Variants in HECW2 observed in about 807,000 individuals in gnomAD.
HECW2 encodes HECT, C2 and WW domain containing E3 ubiquitin protein ligase 2.
A neutral mutation model predicts 175.2 loss-of-function variants in HECW2; 61 were observed. That is an observed-to-expected ratio of 0.35 (90% CI 0.28 to 0.43). The LOEUF (loss-of-function observed/expected upper bound fraction) is 0.43. HECW2 is among the 20% of genes least tolerant of loss of function. HECW2 has a pLI of 1.00. For synonymous variants in HECW2, 671 were observed against 731.0 expected (o/e 0.92, Z 1.32); for missense variants, 1,524 against 2,000.5 (o/e 0.76, Z 4.54).
At chr2:196,253,850 G>T in intron 19 of HECW2, 70 bp downstream of exon 19, 1 of 1,391,990 alleles carries the variant, frequency 7.2e-7, no homozygotes. Context: ...TCTGTCTTTA[G>T]GGAGGATAGA....
chr2:196,581,754 G>C (rs2125528789), intron 1 of HECW2, among the ~76,000 whole-genome samples: 1 of 152,172 alleles, frequency 6.6e-6, no homozygotes, highest in Admixed American at 6.5e-5. Context: ...GACTATGATA[G>C]ATGCTAGGGA....
intron 1 of HECW2, among the ~76,000 whole-genome samples, chr2:196,591,269 G>A (rs929213845): frequency 6.6e-6 from 1 of 152,168 alleles, no homozygotes; most frequent in African/African-American, 2.4e-5. Flanking sequence ...AAATGGTGGG[G>A]ATTTGGAAAT....
intron 1 of HECW2, among the ~76,000 whole-genome samples, chr2:196,505,910 G>T (rs935720183): frequency 6.6e-6 from 1 of 152,110 alleles, no homozygotes; most frequent in East Asian, 1.9e-4. Context: ...AGGTAGGGCT[G>T]GGAACAGAAA....
At chr2:196,526,675 T>TCC (rs1688662252) in intron 1 of HECW2, among the ~76,000 whole-genome samples, 1 of 145,312 alleles carries the variant, frequency 6.9e-6, no homozygotes, top group Non-Finnish European at 1.5e-5. Flanking sequence ...GTCCTTTCTG[T>TCC]TTGTTAGTTT....
At chr2:196,428,384 G>T (rs1266559795) in intron 2 of HECW2, among the ~76,000 whole-genome samples, 2 of 152,128 alleles carry the variant, frequency 1.3e-5, no homozygotes, top group African/African-American at 4.8e-5. Flanking sequence ...GCCCAAGAGA[G>T]AATTTATTAT....
At chr2:196,555,694 T>C (rs1689769912) in intron 1 of HECW2, among the ~76,000 whole-genome samples, 1 of 152,110 alleles carries the variant, frequency 6.6e-6, no homozygotes. Flanking sequence ...TCCAAAAGAA[T>C]TAAAGAGTTA....
chr2:196,523,113 T>C (rs897786601), intron 1 of HECW2, among the ~76,000 whole-genome samples: 1 of 152,124 alleles, frequency 6.6e-6, no homozygotes, highest in African/African-American at 2.4e-5. Context: ...CCCATGAGCA[T>C]GGAATGTTCT....
rs765506947 is a variant in HECW2 at position 196,420,086 on chromosome 2, C to T, written c.292+13046G>A. Among the ~76,000 whole-genome samples the T allele has an allele frequency of 1.2e-4, 18 of 152,286 alleles. 1 individual carries two copies. In the South Asian group the frequency reaches 1.2e-3, roughly 11 times the overall value. On this transcript the variant is annotated intron_variant, in intron 2 of 28. Coordinates refer to ENST00000644978, the MANE Select transcript of HECW2 (RefSeq NM_001348768.2). ...ATATCATGCTTTCTCAATGAACATA[C>T]ATTTGGAGTTTTGCAATTCATAATT...
intron 1 of HECW2, among the ~76,000 whole-genome samples, chr2:196,459,169 A>C (rs1414822022): frequency 3.9e-5 from 6 of 152,218 alleles, no homozygotes; most frequent in African/African-American, 1.4e-4. Flanking sequence ...AATTTCCAGA[A>C]AAGGAGTACC....
intron 1 of HECW2, among the ~76,000 whole-genome samples, chr2:196,490,590 C>T (rs1687151134): frequency 6.6e-6 from 1 of 152,158 alleles, no homozygotes; most frequent in Admixed American, 6.5e-5. Context: ...CCAGCAATCC[C>T]ACCCCTAGAT....
At chr2:196,479,327 G>T (rs1295066467) in intron 1 of HECW2, among the ~76,000 whole-genome samples, 1 of 152,136 alleles carries the variant, frequency 6.6e-6, no homozygotes, top group Non-Finnish European at 1.5e-5. Context: ...TTTATGTTTG[G>T]CAGCAAGATT....
chr2:196,342,917 TA>T (rs1481964154), intron 3 of HECW2, among the ~76,000 whole-genome samples: 4 of 151,762 alleles, frequency 2.6e-5, no homozygotes, highest in Non-Finnish European at 1.5e-5. Flanking sequence ...AAAGGGTATA[TA>T]AAAATGTGTA....
chr2:196,207,292 C>T (rs1687104236), intron 28 of HECW2, among the ~76,000 whole-genome samples: 1 of 152,112 alleles, frequency 6.6e-6, no homozygotes, highest in Non-Finnish European at 1.5e-5. Flanking sequence ...CATGAGAAAT[C>T]CAAAGTTACC....
chr2:196,519,937 TA>T (rs899273170), intron 1 of HECW2, among the ~76,000 whole-genome samples: 1 of 152,198 alleles, frequency 6.6e-6, no homozygotes, highest in Non-Finnish European at 1.5e-5. Flanking sequence ...CTAGTGATGG[TA>T]ATCATAGGTG....
At chr2:196,441,210 A>C (rs1696030634) in intron 1 of HECW2, among the ~76,000 whole-genome samples, 1 of 152,214 alleles carries the variant, frequency 6.6e-6, no homozygotes, top group African/African-American at 2.4e-5. Context: ...ACCTCACCTG[A>C]AGGGCAGGTA....
At chr2:196,308,390 T>A (rs1443410687) in intron 10 of HECW2, among the ~76,000 whole-genome samples, 1 of 152,212 alleles carries the variant, frequency 6.6e-6, no homozygotes, top group Admixed American at 6.5e-5. Flanking sequence ...TAAAAATATA[T>A]GTAGTTGGTT....
intron 2 of HECW2, among the ~76,000 whole-genome samples, chr2:196,394,763 G>T (rs546229372): frequency 6.6e-6 from 1 of 152,302 alleles, no homozygotes; most frequent in East Asian, 1.9e-4. Context: ...ACAATCTTTT[G>T]AACAAATAGT....
chr2:196,228,331 G>T, intron 21 of HECW2, 77 bp from the exon 22 acceptor site: 1 of 1,307,156 alleles, frequency 7.7e-7, no homozygotes, highest in Non-Finnish European at 1.1e-6. Flanking sequence ...CAGAGCTCAA[G>T]TTTCCATAGG....
intron 16 of HECW2, 112 bp from the exon 17 acceptor site, chr2:196,271,401 A>G: frequency 1.4e-6 from 1 of 694,190 alleles, no homozygotes; most frequent in Non-Finnish European, 2.5e-6. Context: ...TTCCTGCCTC[A>G]GGCTTGCAAG....
Sources: gnomAD v4.1 joint callset for allele counts (sites outside exome capture counted in the v4.1 genomes callset) on GRCh38, gnomAD v4.1.1 for gene constraint, MANE v1.5 for transcripts, NCBI Gene and HGNC (gene_info 2026-07-23, HGNC 2026-07-21) for gene names.